The following ABCC8 variants were observed in gnomAD, a reference collection of about 807,000 sequenced individuals.
ABCC8 encodes the protein ATP binding cassette subfamily C member 8.
In ABCC8, 137 loss-of-function variants were observed where a neutral mutation model predicts 188.0. That is an observed-to-expected ratio of 0.73 (90% CI 0.63 to 0.84). ABCC8 has a LOEUF of 0.84. Among genes scored for constraint, ABCC8 ranks in the 40% least tolerant of loss-of-function variants. The pLI, the probability that ABCC8 is intolerant of heterozygous loss-of-function variation, is 0.00. For missense variants in ABCC8, 1,750 were observed against 2,072.7 expected (o/e 0.84, Z 3.02); for synonymous variants, 797 against 846.5 (o/e 0.94, Z 1.01).
intron 18 of ABCC8, 55 bp from the exon 19 acceptor site, chr11:17,414,665 T>C (rs2133479196): frequency 6.2e-7 from 1 of 1,609,694 alleles, no homozygotes; most frequent in Non-Finnish European, 8.5e-7. Context: ...AGGGGCTTGT[T>C]CTCAGAGGCA....
intron 1 of ABCC8, 83 bp downstream of exon 1, chr11:17,476,546 C>T: frequency 1.3e-6 from 2 of 1,522,650 alleles, no homozygotes; most frequent in Non-Finnish European, 8.9e-7. Context: ...CGGAAGGGGA[C>T]GCCGAGCGGT....
At chr11:17,398,516 A>T (rs1954063074) in intron 29 of ABCC8, 75 bp from the exon 30 acceptor site, 7 of 1,593,906 alleles carry the variant, frequency 4.4e-6, no homozygotes, top group Non-Finnish European at 6.0e-6. Flanking sequence ...CTACCTGCAG[A>T]GGGAGGCTCC....
rs1407794908 is a variant in ABCC8 at position 17,474,951 on chromosome 11, C to A, written c.225G>T (p.Trp75Cys). The A allele has an allele frequency of 1.9e-6, 3 of 1,614,060 alleles. No homozygotes were observed. Among genetic ancestry groups the A allele is most frequent in the African/African-American group, 2.7e-5 (2 of 74,934 alleles). ...WLHFPGHNLR[W>C]ILTFMLLFVL... ...CGAAGAGCAGCATGAAGGTCAGGAT[C>A]CACCGCAGGTTGTGCCCAGGGAAAT... The change falls in exon 2 of 39, where the codon TGG becomes TGT. Residue 75 changes from tryptophan (W) to cysteine (C), a missense_variant. By Grantham distance (215) the Trp-to-Cys change is radical. Coordinates refer to ENST00000389817, the MANE Select transcript of ABCC8 (RefSeq NM_000352.6).
chr11:17,431,091 G>T, intron 11 of ABCC8, 132 bp from the exon 12 acceptor site: 10 of 1,412,216 alleles, frequency 7.1e-6, no homozygotes, highest in Non-Finnish European at 9.6e-6. Flanking sequence ...CTTTTAGTTG[G>T]AGACACCTTC....
chr11:17,397,008 T>C lies in ABCC8; in HGVS notation c.4027A>G (p.Lys1343Glu). Residue 1343 changes from lysine to glutamate, a missense_variant, in exon 33 of 39, where the codon AAG (lysine) becomes GAG (glutamate). Physicochemically the swap from Lys to Glu is moderately conservative, Grantham distance 56. Transcript: ENST00000389817. ...ACGCTCAGGTTCTGGATCTGGATCT[T>C]CCCTTGGTCTGGCCAGTTCTTTGGG... ...LIPKNWPDQG[K>E]IQIQNLSVRY... is the part of the protein sequence containing the mutation. The C allele has an allele frequency of 6.2e-7, 1 of 1,614,172 alleles. No homozygotes were observed. The highest frequency in any genetic ancestry group is 8.5e-7 in the Non-Finnish European group (1 of 1,180,012).
At chr11:17,466,627 C>CT (rs1281005728) in intron 3 of ABCC8, among the ~76,000 whole-genome samples, 5 of 104,838 alleles carry the variant, frequency 4.8e-5, no homozygotes, top group Non-Finnish European at 1.1e-4. Flanking sequence ...CTTTTTTTTT[C>CT]TTTTTTTGAG....
chr11:17,460,909 G>T, intron 5 of ABCC8: 3 of 767,454 alleles, frequency 3.9e-6, no homozygotes, highest in Non-Finnish European at 6.1e-6. Flanking sequence ...GATTGCTCAA[G>T]GTCACACAGC....
In ABCC8 at chr11:17,414,583, C is replaced by G. The variant is rs766321878; in HGVS notation, c.2319G>C (p.Ser773=). ...IRKRGPVAYA[S]QKPWLLNATV... is the part of the protein sequence containing the mutation. ...TGGCATTTAGCAGCCATGGTTTCTGCGAAGCATAGGCCACGGGGCCTCTCT... is the reference window on the plus strand; with the variant it reads ...TGGCATTTAGCAGCCATGGTTTCTGGGAAGCATAGGCCACGGGGCCTCTCT... The change falls in exon 19 of 39, where the codon TCG becomes TCC. Residue 773 remains serine (S), a synonymous_variant. Coordinates refer to ENST00000389817, the MANE Select transcript of ABCC8 (RefSeq NM_000352.6). 3.7e-6 allele frequency: 6 copies of G among 1,614,092 alleles called. No homozygotes were observed. In the East Asian group the frequency reaches 6.7e-5, roughly 18 times the overall value.
At chr11:17,393,911 G>T in intron 37 of ABCC8, 152 bp from the exon 38 acceptor site, 1 of 1,504,712 alleles carries the variant, frequency 6.6e-7, no homozygotes, top group Non-Finnish European at 9.1e-7. Context: ...ACAGGTTCCC[G>T]GCACTCAGGG....
Position 17,397,233 on chromosome 11 carries a change from C to T in ABCC8, c.3948G>A (p.Gly1316=), listed in dbSNP as rs750535719. The T allele has an allele frequency of 1.7e-5, 27 of 1,613,736 alleles. No homozygotes were observed. The East Asian group carries it at 6.0e-4, about 36-fold the overall frequency. ...AGCTCTCTGCCTCGGTTTTCAGGAG[C>T]CCATGGATGCGCTTCACAGCCCCCA... ...LQLGAVKRIH[G]LLKTEAESYE... The change falls in exon 32 of 39, where the codon GGG becomes GGA. Residue 1316 remains glycine, a synonymous_variant. Transcript: ENST00000389817.
intron 16 of ABCC8, 147 bp downstream of exon 16, chr11:17,426,902 G>T: frequency 1.2e-6 from 1 of 866,824 alleles, no homozygotes; most frequent in Non-Finnish European, 1.7e-6. Context: ...TACTAGTGAT[G>T]ATGATGAGAA....
chr11:17,408,772 C>T (rs141278049), intron 22 of ABCC8, among the ~76,000 whole-genome samples: 29 of 152,258 alleles, frequency 1.9e-4, no homozygotes, highest in Admixed American at 6.5e-4. Flanking sequence ...GCATCCTGCT[C>T]AAGCTGGCTG....
chr11:17,404,403 A>AT lies in ABCC8; in HGVS notation c.3557+108dup, dbSNP rs1011931887. 23 of 1,184,942 alleles carry AT rather than the reference A, an allele frequency of 1.9e-5. No homozygotes were observed. The highest frequency in any genetic ancestry group is 1.4e-4 in the African/African-American group (9 of 65,744). 73.4% of individuals were successfully genotyped at this position (1,184,942 alleles called of 1,614,324 possible). On this transcript the variant is annotated intron_variant, in intron 28 of 38. Transcript: ENST00000389817. This position sits in a 1 kb window ranked among gnomAD's most constrained non-coding sequence, Gnocchi z 4.7. Reference sequence around the variant, plus strand: ...TCCTTCATTTCTGTTTTTTGTTTTTATTTTTTGGAGGGAACACGACCCTAT... The same window carrying AT: ...TCCTTCATTTCTGTTTTTTGTTTTTATTTTTTTGGAGGGAACACGACCCTAT...
chr11:17,410,804 T>A (rs935081254), intron 21 of ABCC8, 151 bp from the exon 22 acceptor site: 1 of 1,286,492 alleles, frequency 7.8e-7, no homozygotes, highest in Non-Finnish European at 1.1e-6. Context: ...TCACCCAACC[T>A]CTCTGGGCCT....
intron 10 of ABCC8, chr11:17,436,023 A>T: frequency 7.8e-7 from 1 of 1,288,420 alleles, no homozygotes; most frequent in Non-Finnish European, 1.1e-6. Flanking sequence ...TGATGTGGGG[A>T]GATATGGGAC....
At chr11:17,458,089 G>A (rs1218636259) in intron 6 of ABCC8, among the ~76,000 whole-genome samples, 2 of 152,156 alleles carry the variant, frequency 1.3e-5, no homozygotes, top group African/African-American at 4.8e-5. Context: ...TGAGAATTAA[G>A]CCACATCCCA....
chr11:17,416,840 A>T, intron 17 of ABCC8, 90 bp downstream of exon 17: 3 of 1,545,094 alleles, frequency 1.9e-6, no homozygotes, highest in Non-Finnish European at 2.7e-6. Flanking sequence ...CTGAATCCAT[A>T]CTCAGCATTA....
chr11:17,436,721 T>G (rs1189507131), intron 10 of ABCC8, among the ~76,000 whole-genome samples: 2 of 152,202 alleles, frequency 1.3e-5, no homozygotes, highest in Non-Finnish European at 2.9e-5. Flanking sequence ...CCATCAAAAC[T>G]GAAAGCCCTT....
chr11:17,461,571 G>T lies in ABCC8; in HGVS notation c.822+12C>A. 6 of 1,614,216 alleles carry T rather than the reference G, an allele frequency of 3.7e-6. No individual in the cohort carries two copies. Among genetic ancestry groups the T allele is most frequent in the Non-Finnish European group, 5.1e-6 (6 of 1,180,030 alleles). ...GGCAGTGAATAGATGGTGTGGCTGT[G>T]CCCCCACTGACCACCTGGGCGTCAA... On this transcript the variant is annotated intron_variant, in intron 5 of 38. Transcript: ENST00000389817.
Sources: gnomAD v4.1 joint callset for allele counts (sites outside exome capture counted in the v4.1 genomes callset) on GRCh38, gnomAD v4.1.1 for gene constraint, Gnocchi (gnomAD v3.1) non-coding constraint, MANE v1.5 for transcripts, NCBI Gene and HGNC (gene_info 2026-07-23, HGNC 2026-07-21) for gene names.